Variants in FAM178B observed in about 807,000 individuals in gnomAD.
FAM178B encodes the protein protein FAM178B.
FAM178B carries 82 observed loss-of-function variants against 91.7 expected under a neutral mutation model. The observed-to-expected ratio is 0.89, with a 90% CI of 0.75 to 1.07. The LOEUF (loss-of-function observed/expected upper bound fraction) is 1.07. Among genes scored for constraint, FAM178B ranks in the 50% least tolerant of loss-of-function variants. The pLI is 0.00. For missense variants in FAM178B, 769 were observed against 846.7 expected (o/e 0.91, Z 1.14); for synonymous variants, 368 against 359.4 (o/e 1.02, Z -0.27).
intron 5 of FAM178B, among the ~76,000 whole-genome samples, chr2:96,962,453 GAAAGAA>G (rs2082094402): frequency 6.7e-6 from 1 of 149,366 alleles, no homozygotes; most frequent in Non-Finnish European, 1.5e-5. Flanking sequence ...AAGAAAGAAA[GAAAGAA>G]AGAAAAAAAA....
chr2:96,961,268 C>T (rs565637968), intron 5 of FAM178B, among the ~76,000 whole-genome samples: 1 of 152,148 alleles, frequency 6.6e-6, no homozygotes, highest in African/African-American at 2.4e-5. Context: ...GAAGGACTGG[C>T]AACGTGGCTG....
chr2:96,878,777 A>G (rs1169498255), intron 14 of FAM178B, among the ~76,000 whole-genome samples: 1 of 152,218 alleles, frequency 6.6e-6, no homozygotes, highest in Admixed American at 6.5e-5. Flanking sequence ...GGAGTCAGCC[A>G]TCCAGAAACA....
chr2:96,963,141 C>T (rs988666337), intron 5 of FAM178B, among the ~76,000 whole-genome samples: 2 of 152,208 alleles, frequency 1.3e-5, no homozygotes, highest in Admixed American at 1.3e-4. Flanking sequence ...CAGATAACTT[C>T]CTTTCTGTGA....
chr2:96,880,527 T>C (rs2080353223), intron 14 of FAM178B, among the ~76,000 whole-genome samples: 1 of 152,250 alleles, frequency 6.6e-6, no homozygotes, highest in East Asian at 1.9e-4. Context: ...CTTTCCTTTT[T>C]CCTTTTTTAA....
intron 8 of FAM178B, among the ~76,000 whole-genome samples, chr2:96,940,378 C>T (rs1441118123): frequency 6.6e-6 from 1 of 152,166 alleles, no homozygotes; most frequent in East Asian, 1.9e-4. Flanking sequence ...GGCTCGCTTC[C>T]CACCTCCTGC....
chr2:96,960,189 C>A (rs774378900), intron 6 of FAM178B, 99 bp downstream of exon 6: 11 of 1,375,330 alleles, frequency 8.0e-6, no homozygotes, highest in Admixed American at 2.7e-5. Context: ...ATCACCTCTT[C>A]GAACTTCCCC....
chr2:96,887,407 C>T (rs1008268637), intron 14 of FAM178B, among the ~76,000 whole-genome samples: 4 of 152,122 alleles, frequency 2.6e-5, no homozygotes, highest in African/African-American at 9.7e-5. Context: ...GGGGTTGTGC[C>T]TGAGGTGAGA....
intron 14 of FAM178B, among the ~76,000 whole-genome samples, chr2:96,879,083 C>T (rs887981280): frequency 2.0e-5 from 3 of 152,246 alleles, no homozygotes; most frequent in Non-Finnish European, 4.4e-5. Flanking sequence ...TCTTGAGGCA[C>T]CCCTGGACTC....
chr2:96,910,474 T>C (rs1353731303), intron 12 of FAM178B, among the ~76,000 whole-genome samples: 3 of 152,204 alleles, frequency 2.0e-5, no homozygotes, highest in African/African-American at 4.8e-5. Context: ...AAAATACGAA[T>C]TGTGTAGTGT....
chr2:96,948,681 C>G (rs2153373162), intron 7 of FAM178B, among the ~76,000 whole-genome samples: 1 of 152,342 alleles, frequency 6.6e-6, no homozygotes, highest in South Asian at 2.1e-4. Context: ...CATCTCCTTT[C>G]AGGACTGAGG....
At chr2:96,888,415 G>A (rs1308021662) in intron 14 of FAM178B, among the ~76,000 whole-genome samples, 1 of 152,244 alleles carries the variant, frequency 6.6e-6, no homozygotes, top group African/African-American at 2.4e-5. Flanking sequence ...TGGAGAAAGA[G>A]GCTCCACCTG....
intron 14 of FAM178B, 125 bp downstream of exon 14, chr2:96,893,801 C>T: frequency 8.1e-7 from 1 of 1,229,662 alleles, no homozygotes; most frequent in Non-Finnish European, 1.1e-6. Flanking sequence ...TGGTCTCTGC[C>T]CTGGCATGGC....
At chr2:96,927,496 T>C (rs2081462562) in intron 9 of FAM178B, among the ~76,000 whole-genome samples, 1 of 152,136 alleles carries the variant, frequency 6.6e-6, no homozygotes, top group Non-Finnish European at 1.5e-5. Context: ...CCCTGGCAGC[T>C]CCCTGGGCCC....
At chr2:96,956,099 T>C (rs918090614) in intron 6 of FAM178B, among the ~76,000 whole-genome samples, 8 of 152,226 alleles carry the variant, frequency 5.3e-5, no homozygotes, top group African/African-American at 1.9e-4. Context: ...GTGAGGGGCC[T>C]ATGACTAACT....
intron 6 of FAM178B, among the ~76,000 whole-genome samples, chr2:96,952,363 T>C (rs561644187): frequency 1.3e-5 from 2 of 152,258 alleles, no homozygotes; most frequent in East Asian, 3.9e-4. Flanking sequence ...TCAGAAACCA[T>C]GTGAGCTGCA....
chr2:96,932,138 A>T (rs546955103), intron 8 of FAM178B, among the ~76,000 whole-genome samples: 116 of 152,116 alleles, frequency 7.6e-4, no homozygotes, highest in Non-Finnish European at 1.3e-3. Flanking sequence ...GCAGCCTCAG[A>T]CCCCAAGGAG....
chr2:96,894,890 C>A (rs1299125729), intron 13 of FAM178B, among the ~76,000 whole-genome samples: 4 of 131,900 alleles, frequency 3.0e-5, no homozygotes, highest in Middle Eastern at 3.8e-3. Flanking sequence ...TCATCCCCCC[C>A]ACAGACCCTC....
At chr2:96,880,687 C>T (rs1247169433) in intron 14 of FAM178B, among the ~76,000 whole-genome samples, 4 of 152,274 alleles carry the variant, frequency 2.6e-5, no homozygotes, top group African/African-American at 9.6e-5. Context: ...CTCTGCCTCC[C>T]GGGCTCACGC....
intron 9 of FAM178B, among the ~76,000 whole-genome samples, chr2:96,926,665 G>A (rs903662649): frequency 6.6e-6 from 1 of 152,178 alleles, no homozygotes; most frequent in African/African-American, 2.4e-5. Context: ...GAGGGCCACT[G>A]TTTCCAACAA....
Sources: allele counts gnomAD v4.1 joint callset (sites outside exome capture counted in the v4.1 genomes callset), GRCh38; gene constraint gnomAD v4.1.1; transcripts MANE v1.5; gene names NCBI Gene and HGNC (gene_info 2026-07-23, HGNC 2026-07-21).